The following ENOX2 variants were observed in gnomAD, a reference collection of about 807,000 sequenced individuals.
ENOX2 encodes the protein APK1 antigen.
A neutral mutation model predicts 45.0 loss-of-function variants in ENOX2; 36 were observed. The observed-to-expected ratio is 0.80, with a 90% CI of 0.61 to 1.06. The LOEUF (loss-of-function observed/expected upper bound fraction) is 1.06, where lower values mean the gene tolerates loss of function less well. Ranked by LOEUF, ENOX2 falls within the 50% of genes least tolerant of loss-of-function variation. The pLI, the probability that ENOX2 is intolerant of heterozygous loss-of-function variation, is 0.00. For missense variants in ENOX2, 423 were observed against 462.5 expected, an observed-to-expected ratio of 0.91 and a Z score of 0.78; for synonymous variants, 174 against 152.3, an observed-to-expected ratio of 1.14 and a Z score of -1.05.
intron 2 of ENOX2, among the ~76,000 whole-genome samples, chrX:130,901,185 G>A (rs529335283): frequency 1.8e-5 from 2 of 112,304 alleles, no homozygotes; most frequent in African/African-American, 6.5e-5. Flanking sequence ...TGGCCAGGAT[G>A]ATGAACTATA....
intron 2 of ENOX2, among the ~76,000 whole-genome samples, chrX:130,845,432 A>G (rs1027942146): frequency 8.9e-6 from 1 of 112,578 alleles, no homozygotes; most frequent in Non-Finnish European, 1.9e-5. Flanking sequence ...TATTCTTCCT[A>G]TTGTAAACAA....
intron 7 of ENOX2, 26 bp downstream of exon 7, chrX:130,669,939 T>C: frequency 9.6e-7 from 1 of 1,039,578 alleles, no homozygotes; most frequent in South Asian, 1.9e-5. Flanking sequence ...GTTCTTTTAA[T>C]CATGAAGCTT....
intron 3 of ENOX2, among the ~76,000 whole-genome samples, chrX:130,722,961 C>CT (rs780339718): frequency 8.9e-6 from 1 of 112,349 alleles, no homozygotes; most frequent in African/African-American, 3.2e-5. Context: ...GAGACCCTTC[C>CT]TTACACCCAC....
chrX:130,791,958 C>T (rs1165996600), intron 2 of ENOX2, among the ~76,000 whole-genome samples: 3 of 112,426 alleles, frequency 2.7e-5, no homozygotes, highest in African/African-American at 9.7e-5. Flanking sequence ...GTCCCATTTA[C>T]AAACTACAGT....
intron 2 of ENOX2, among the ~76,000 whole-genome samples, chrX:130,786,812 AT>A (rs1217676657): frequency 1.0e-4 from 7 of 69,443 alleles, no homozygotes; most frequent in South Asian, 1.8e-3. Context: ...ATTGTTGGAC[AT>A]TTGGGTTGGT....
chrX:130,766,543 T>C (rs1268101314), intron 3 of ENOX2, among the ~76,000 whole-genome samples: 1 of 112,147 alleles, frequency 8.9e-6, no homozygotes, highest in Non-Finnish European at 1.9e-5. Context: ...TAGGAAGATA[T>C]TCTATGATAT....
chrX:130,843,159 C>T (rs760208552), intron 2 of ENOX2, among the ~76,000 whole-genome samples: 1 of 111,233 alleles, frequency 9.0e-6, no homozygotes, highest in Non-Finnish European at 1.9e-5. Context: ...CTCAACAATC[C>T]TGATCTTCCT....
chrX:130,859,577 A>G (rs2078376674), intron 2 of ENOX2, among the ~76,000 whole-genome samples: 1 of 111,986 alleles, frequency 8.9e-6, no homozygotes, highest in African/African-American at 3.2e-5. Context: ...TTCAGGCACA[A>G]TGGACTACAC....
chrX:130,776,116 G>A (rs1232768874), intron 3 of ENOX2, among the ~76,000 whole-genome samples: 3 of 111,573 alleles, frequency 2.7e-5, no homozygotes, highest in Non-Finnish European at 5.6e-5. Context: ...AATGACATTT[G>A]CTTTCTGCAC....
intron 2 of ENOX2, among the ~76,000 whole-genome samples, chrX:130,863,315 C>A (rs2078439757): frequency 8.9e-6 from 1 of 112,459 alleles, no homozygotes; most frequent in African/African-American, 3.2e-5. Flanking sequence ...ACACAGATGT[C>A]TGTCTTTCCA....
intron 5 of ENOX2, among the ~76,000 whole-genome samples, chrX:130,688,318 C>T (rs965706505): frequency 1.8e-5 from 2 of 112,320 alleles, no homozygotes; most frequent in Non-Finnish European, 3.8e-5. Flanking sequence ...TCCACATGAA[C>T]TGCATTGACT....
intron 5 of ENOX2, among the ~76,000 whole-genome samples, chrX:130,684,701 C>T (rs962822979): frequency 3.8e-4 from 43 of 111,931 alleles, no homozygotes; most frequent in African/African-American, 1.4e-3. Context: ...ACAAAAAAGA[C>T]AAAAATTCTG....
intron 7 of ENOX2, among the ~76,000 whole-genome samples, chrX:130,668,041 T>G (rs2036883251): frequency 1.8e-5 from 2 of 109,262 alleles, no homozygotes; most frequent in South Asian, 8.2e-4. Flanking sequence ...TATTGCAAAT[T>G]TCTTACCCTC....
chrX:130,666,678 C>G lies in ENOX2; in HGVS notation c.907+852G>C, dbSNP rs6634796. Among the ~76,000 whole-genome samples, 945 of 111,514 alleles carry G rather than the reference C, an allele frequency of 8.5e-3. 12 individuals are homozygous for G. The highest frequency in any genetic ancestry group is 0.029 in the African/African-American group (896 of 30,671). The stretch of plus-strand genomic sequence containing the variant: ...AAAGTCCTGAAGACATGTGCTTTTG[C>G]CTCCTGGATTTTATGCCCATATATA... On this transcript the variant is annotated intron_variant, in intron 8 of 14. Coordinates refer to ENST00000394363, the MANE Select transcript of ENOX2 (RefSeq NM_006375.4).
At chrX:130,747,830 T>C (rs759963915) in intron 3 of ENOX2, among the ~76,000 whole-genome samples, 152 of 112,618 alleles carry the variant, frequency 1.3e-3, no homozygotes, top group Non-Finnish European at 2.4e-3. Flanking sequence ...GAAGTGGCTC[T>C]GATTGATTTT....
chrX:130,794,097 T>C (rs1036084871), intron 2 of ENOX2, among the ~76,000 whole-genome samples: 2 of 111,941 alleles, frequency 1.8e-5, no homozygotes, highest in Non-Finnish European at 3.8e-5. Flanking sequence ...CATCAGTGTC[T>C]GCTTTGAGCT....
At chrX:130,712,729 G>A (rs188820473) in intron 3 of ENOX2, among the ~76,000 whole-genome samples, 1 of 111,593 alleles carries the variant, frequency 9.0e-6, no homozygotes, top group South Asian at 3.9e-4. Context: ...CAGGGCACTT[G>A]ACCTCCAAGA....
chrX:130,737,476 ACAC>A (rs902179530), intron 3 of ENOX2, among the ~76,000 whole-genome samples: 38 of 112,607 alleles, frequency 3.4e-4, no homozygotes, highest in Admixed American at 2.2e-3. Context: ...ACACACACAC[ACAC>A]AACTTACTTC....
intron 4 of ENOX2, among the ~76,000 whole-genome samples, chrX:130,697,758 G>C (rs2037799987): frequency 1.8e-5 from 2 of 111,961 alleles, no homozygotes; most frequent in African/African-American, 6.5e-5. Context: ...TCTCCTAATA[G>C]TTTCCATGGG....
Sources: gnomAD v4.1 joint callset for allele counts (sites outside exome capture counted in the v4.1 genomes callset) on GRCh38, gnomAD v4.1.1 for gene constraint, MANE v1.5 for transcripts, NCBI Gene and HGNC (gene_info 2026-07-23, HGNC 2026-07-21) for gene names.